The following TDRD3 variants were observed in gnomAD, a reference collection of about 807,000 sequenced individuals.
The protein encoded by TDRD3 is tudor domain-containing protein 3.
Under a neutral mutation model 86.7 loss-of-function variants are expected in TDRD3, and 45 were observed. That is an observed-to-expected ratio of 0.52 (90% CI 0.41 to 0.67). The LOEUF (loss-of-function observed/expected upper bound fraction) is 0.67, where lower values mean the gene tolerates loss of function less well. Ranked by LOEUF, TDRD3 falls within the 30% of genes least tolerant of loss-of-function variation. The pLI is 0.00. For missense variants in TDRD3, 814 were observed against 889.0 expected, an observed-to-expected ratio of 0.92 and a Z score of 1.07; for synonymous variants, 298 against 301.7, an observed-to-expected ratio of 0.99 and a Z score of 0.13.
At chr13:60,451,908 A>C (rs1955553987) in intron 3 of TDRD3, among the ~76,000 whole-genome samples, 1 of 152,176 alleles carries the variant, frequency 6.6e-6, no homozygotes. Flanking sequence ...TTTGATTGAA[A>C]TTGCATTGAA....
At chr13:60,488,079 C>T (rs1212201345) in intron 7 of TDRD3, among the ~76,000 whole-genome samples, 1 of 152,180 alleles carries the variant, frequency 6.6e-6, no homozygotes, top group Non-Finnish European at 1.5e-5. Flanking sequence ...AAGCCAATCA[C>T]TGAGACAATG....
chr13:60,411,376 G>A (rs1037448874), intron 1 of TDRD3, among the ~76,000 whole-genome samples: 3 of 152,196 alleles, frequency 2.0e-5, no homozygotes, highest in African/African-American at 7.2e-5. Context: ...ACTGAAGTTT[G>A]ATTATCTTGA....
Position 60,475,382 on chromosome 13 carries a change from G to C in TDRD3, c.495+8003G>C, listed in dbSNP as rs961067712. ...GTTCCTGCCTTAGTTTGCTTAGAAT[G>C]ATGGCCTCCAGATGCATCCATATTG... On this transcript the variant is annotated intron_variant, in intron 5 of 13. Coordinates refer to ENST00000377881, the MANE Select transcript of TDRD3 (RefSeq NM_001146070.2). Among the ~76,000 whole-genome samples the C allele has an allele frequency of 1.1e-4, 17 of 152,164 alleles. No homozygotes were observed. In the East Asian group the frequency reaches 3.3e-3, roughly 29 times the overall value.
chr13:60,514,506 G>A (rs180913049), intron 10 of TDRD3, among the ~76,000 whole-genome samples: 524 of 152,260 alleles, frequency 3.4e-3, no homozygotes, highest in Non-Finnish European at 5.9e-3. Context: ...TAGATGTACT[G>A]TGTGGGGAGG....
At chr13:60,557,410 A>G (rs1395246741) in intron 12 of TDRD3, among the ~76,000 whole-genome samples, 3 of 152,164 alleles carry the variant, frequency 2.0e-5, no homozygotes, top group African/African-American at 7.2e-5. Context: ...TGACTGCTGG[A>G]GTACCTCACA....
intron 12 of TDRD3, among the ~76,000 whole-genome samples, chr13:60,554,148 T>C (rs1958131382): frequency 6.6e-6 from 1 of 152,220 alleles, no homozygotes; most frequent in Non-Finnish European, 1.5e-5. Context: ...CTGCTGTCAG[T>C]GTACCTGCTG....
At chr13:60,492,070 T>A (rs972945690) in intron 7 of TDRD3, among the ~76,000 whole-genome samples, 8 of 152,172 alleles carry the variant, frequency 5.3e-5, no homozygotes, top group Non-Finnish European at 1.2e-4. Flanking sequence ...TAGGTTGTGA[T>A]GGTTCTAGAT....
At chr13:60,473,780 G>A (rs192296397) in intron 5 of TDRD3, among the ~76,000 whole-genome samples, 122 of 152,308 alleles carry the variant, frequency 8.0e-4, no homozygotes, top group African/African-American at 2.8e-3. Context: ...CCCTGGTCTA[G>A]CGGACAAGGC....
intron 1 of TDRD3, 112 bp downstream of exon 1, chr13:60,397,517 C>T (rs538097667): frequency 5.7e-5 from 50 of 883,854 alleles, no homozygotes; most frequent in African/African-American, 4.9e-4. Flanking sequence ...CTGTCGTCCG[C>T]CCCCGGCCTC....
chr13:60,519,812 C>G (rs577572073), intron 10 of TDRD3, among the ~76,000 whole-genome samples: 4 of 152,070 alleles, frequency 2.6e-5, no homozygotes, highest in African/African-American at 4.8e-5. Flanking sequence ...CTGAGGTAAG[C>G]TCATTTGGTT....
At chr13:60,568,396 T>C (rs970947668) in intron 13 of TDRD3, among the ~76,000 whole-genome samples, 1 of 152,212 alleles carries the variant, frequency 6.6e-6, no homozygotes. Context: ...TTCTTGACTC[T>C]AGGTATTTTT....
At chr13:60,448,251 G>A (rs1327438539) in intron 3 of TDRD3, among the ~76,000 whole-genome samples, 2 of 152,058 alleles carry the variant, frequency 1.3e-5, no homozygotes, top group Non-Finnish European at 2.9e-5. Flanking sequence ...AGCTAATCCT[G>A]GACATATTGA....
At chr13:60,473,959 T>A (rs1956128015) in intron 5 of TDRD3, among the ~76,000 whole-genome samples, 1 of 152,080 alleles carries the variant, frequency 6.6e-6, no homozygotes, top group Non-Finnish European at 1.5e-5. Flanking sequence ...AAGACTCTGC[T>A]CCACCACCTC....
intron 1 of TDRD3, among the ~76,000 whole-genome samples, chr13:60,402,709 T>C (rs1196367838): frequency 6.7e-6 from 1 of 148,192 alleles, no homozygotes; most frequent in African/African-American, 2.5e-5. Context: ...TTTTTTTTTT[T>C]TTTTTGAGAC....
intron 1 of TDRD3, among the ~76,000 whole-genome samples, chr13:60,422,860 C>A (rs1275264583): frequency 6.6e-6 from 1 of 151,866 alleles, no homozygotes; most frequent in Non-Finnish European, 1.5e-5. Flanking sequence ...GGGGAAAAAA[C>A]CAAAACAATT....
At chr13:60,571,509 A>C (rs1958584372) in intron 13 of TDRD3, among the ~76,000 whole-genome samples, 1 of 152,180 alleles carries the variant, frequency 6.6e-6, no homozygotes, top group Admixed American at 6.5e-5. Context: ...GGTAGTGAAA[A>C]ACACTTAAGG....
At chr13:60,525,278 A>G (rs1036658048) in intron 10 of TDRD3, among the ~76,000 whole-genome samples, 13 of 145,166 alleles carry the variant, frequency 9.0e-5, no homozygotes, top group East Asian at 2.1e-4. Flanking sequence ...GGTTCAAGCA[A>G]TTCTCCCACT....
chr13:60,424,662 A>G (rs796240540), intron 1 of TDRD3, among the ~76,000 whole-genome samples: 10 of 152,142 alleles, frequency 6.6e-5, no homozygotes, highest in African/African-American at 2.4e-4. Flanking sequence ...GCGCAACAGA[A>G]GGCAACTCTG....
intron 3 of TDRD3, among the ~76,000 whole-genome samples, chr13:60,448,019 T>C (rs1465459489): frequency 6.6e-6 from 1 of 152,146 alleles, no homozygotes; most frequent in Non-Finnish European, 1.5e-5. Context: ...CAGTAATCTT[T>C]TTTGGAAGTA....
Sources: gnomAD v4.1 joint callset for allele counts (sites outside exome capture counted in the v4.1 genomes callset) on GRCh38, gnomAD v4.1.1 for gene constraint, MANE v1.5 for transcripts, NCBI Gene and HGNC (gene_info 2026-07-23, HGNC 2026-07-21) for gene names.